The following RASSF4 variants were observed in gnomAD, a reference collection of about 807,000 sequenced individuals.
RASSF4 encodes the protein ras association domain-containing protein 4.
A neutral mutation model predicts 41.1 loss-of-function variants in RASSF4; 38 were observed. That is an observed-to-expected ratio of 0.92 (90% CI 0.71 to 1.21). The LOEUF (loss-of-function observed/expected upper bound fraction) is 1.21. Among genes scored for constraint, RASSF4 ranks in the 50% most tolerant of loss-of-function variants. RASSF4 has a pLI of 0.00. For missense variants in RASSF4, 414 were observed against 419.4 expected, an observed-to-expected ratio of 0.99 and a Z score of 0.11; for synonymous variants, 179 against 163.4, an observed-to-expected ratio of 1.10 and a Z score of -0.73.
intron 5 of RASSF4, 109 bp from the exon 6 acceptor site, chr10:44,984,704 C>T (rs1350668536): frequency 8.0e-7 from 1 of 1,246,970 alleles, no homozygotes; most frequent in African/African-American, 1.5e-5. Context: ...TCCCCATCTG[C>T]CCCAGTGCAC....
intron 9 of RASSF4, 146 bp downstream of exon 9, chr10:44,991,215 A>G: frequency 1.5e-6 from 1 of 663,348 alleles, no homozygotes; most frequent in Non-Finnish European, 2.3e-6. Context: ...AGCCTAGCAC[A>G]GGGAGGCGCC....
chr10:44,986,226 T>C (rs1434205521), intron 6 of RASSF4, among the ~76,000 whole-genome samples: 1 of 152,232 alleles, frequency 6.6e-6, no homozygotes, highest in Non-Finnish European at 1.5e-5. Context: ...TTCAAAGTAC[T>C]GAATGGTGGA....
intron 6 of RASSF4, among the ~76,000 whole-genome samples, chr10:44,988,530 C>G (rs114083878): frequency 0.017 from 2,534 of 152,178 alleles, 75 homozygotes; most frequent in African/African-American, 0.057. Context: ...ACCATAGTGT[C>G]ATACGTGCGA....
At chr10:44,992,702 G>A (rs1318118464) in intron 10 of RASSF4, among the ~76,000 whole-genome samples, 1 of 152,206 alleles carries the variant, frequency 6.6e-6, no homozygotes, top group Non-Finnish European at 1.5e-5. Context: ...CCTGGGGTGT[G>A]TGGGGAAAGG....
rs1337892355 is a variant in RASSF4 at position 44,994,180 on chromosome 10, G to A, written c.*851G>A. On this transcript the variant is annotated 3_prime_UTR_variant, in exon 11 of 11. Transcript: ENST00000340258. ...TTTCTCTCCTCTAGTGGGTGGGGAT[G>A]ACTTTCAATGACTTTCAATACTTCC... is the stretch of plus-strand genomic sequence containing the variant. The A allele has an allele frequency of 1.3e-5, 2 of 152,262 alleles. No homozygotes were observed. Among genetic ancestry groups the A allele is most frequent in the African/African-American group, 4.8e-5 (2 of 41,448 alleles). 9.4% of individuals were successfully genotyped at this position (152,262 alleles called of 1,614,324 possible).
chr10:44,961,243 C>A (rs1420498038), intron 1 of RASSF4, among the ~76,000 whole-genome samples: 37 of 152,210 alleles, frequency 2.4e-4, no homozygotes, highest in Admixed American at 2.4e-3. Flanking sequence ...AAGTGTCTGT[C>A]TGAAACTCAG....
intron 3 of RASSF4, chr10:44,977,189 G>A (rs1841469524): frequency 1.2e-5 from 7 of 593,494 alleles, no homozygotes; most frequent in Admixed American, 3.3e-5. Flanking sequence ...CAGAGCGAAC[G>A]GGATTGGTAA....
chr10:44,971,369 T>C, intron 2 of RASSF4: 1 of 394,882 alleles, frequency 2.5e-6, no homozygotes, highest in East Asian at 7.1e-5. Context: ...GCAGGCCTTG[T>C]AGGAAGTGAT....
intron 5 of RASSF4, 31 bp from the exon 6 acceptor site, chr10:44,984,782 C>T (rs138837221): frequency 6.2e-7 from 1 of 1,609,398 alleles, no homozygotes; most frequent in Admixed American, 1.7e-5. Context: ...CATCACCCAC[C>T]CTGCCATTCT....
chr10:44,975,871 T>C (rs932203166), intron 3 of RASSF4, among the ~76,000 whole-genome samples: 2 of 151,922 alleles, frequency 1.3e-5, no homozygotes, highest in East Asian at 3.9e-4. Context: ...CTTCTGAGCA[T>C]AGGGGAGTCT....
intron 1 of RASSF4, among the ~76,000 whole-genome samples, chr10:44,963,037 C>A (rs870204): frequency 3.3e-5 from 5 of 152,090 alleles, no homozygotes; most frequent in African/African-American, 1.2e-4. Context: ...AGAACCGCAG[C>A]GGGGAGTAAA....
At chr10:44,991,129 G>A (rs772905884) in intron 9 of RASSF4, 60 bp downstream of exon 9, 1 of 1,509,428 alleles carries the variant, frequency 6.6e-7, no homozygotes, top group Non-Finnish European at 9.0e-7. Flanking sequence ...TGGGTGACGG[G>A]GCCTCCCAAG....
Position 44,989,285 on chromosome 10 carries a change from T to C in RASSF4, c.543T>C (p.Phe181=). Reference sequence around the variant, plus strand: ...CCTTCCTGGTACAGACCTCCGTGTTTACTCCAGCCTATGGATCCGTGACCA... The same window carrying C: ...CCTTCCTGGTACAGACCTCCGTGTTCACTCCAGCCTATGGATCCGTGACCA... ...GHFYNHKTSV[F]TPAYGSVTNV... The change falls in exon 7 of 11, where the codon TTT becomes TTC. Residue 181 remains phenylalanine, a synonymous_variant. Coordinates refer to ENST00000340258, the MANE Select transcript of RASSF4 (RefSeq NM_032023.4). The C allele has an allele frequency of 1.2e-6, 2 of 1,612,778 alleles. No individual in the cohort carries two copies. The highest frequency in any genetic ancestry group is 1.7e-6 in the Non-Finnish European group (2 of 1,178,790).
In RASSF4 at chr10:44,969,163, T is replaced by C. The variant is rs552133394; in HGVS notation, c.-38-1002T>C. Among the ~76,000 whole-genome samples the C allele has an allele frequency of 2.0e-5, 3 of 151,932 alleles. No individual in the cohort carries two copies. In the East Asian group the frequency reaches 5.8e-4, roughly 29 times the overall value. On this transcript the variant is annotated intron_variant, in intron 1 of 10. Transcript: ENST00000340258. ...GTGTGTGAAGCTTTACCTCCCTGCCTAGCATGTAGGAGGCCTTGATAAGAG... is the reference window on the plus strand; with the variant it reads ...GTGTGTGAAGCTTTACCTCCCTGCCCAGCATGTAGGAGGCCTTGATAAGAG...
chr10:44,977,155 T>C, intron 3 of RASSF4: 1 of 471,976 alleles, frequency 2.1e-6, no homozygotes, highest in Non-Finnish European at 3.7e-6. Context: ...AGTAAGTTGC[T>C]CAAGGTGATC....
chr10:44,963,307 C>T (rs577490469), intron 1 of RASSF4, among the ~76,000 whole-genome samples: 1 of 152,184 alleles, frequency 6.6e-6, no homozygotes, highest in South Asian at 2.1e-4. Flanking sequence ...TGAGTCGCCG[C>T]CTGCCATCTA....
chr10:44,985,296 A>G (rs891378860), intron 6 of RASSF4, among the ~76,000 whole-genome samples: 7 of 151,940 alleles, frequency 4.6e-5, no homozygotes, highest in African/African-American at 1.5e-4. Context: ...CCCTGGGAAC[A>G]CTGTGTATCC....
chr10:44,982,616 G>T lies in RASSF4; in HGVS notation c.234G>T (p.Val78=). The change falls in exon 4 of 11, where the codon GTG becomes GTT. Residue 78 remains valine, a synonymous_variant. Transcript: ENST00000340258. The part of the protein sequence containing the change: ...RLQMQDDREQ[V]HLPSTSWMPR... ...AGATGCAGGATGACCGGGAGCAGGT[G>T]CACCTCCCCTCCACCTCATGGATGC... 1 of 1,613,232 alleles carries T rather than the reference G, an allele frequency of 6.2e-7. No individual in the cohort carries two copies. The highest frequency in any genetic ancestry group is 1.3e-5 in the African/African-American group (1 of 75,008).
rs1313725718 is a variant in RASSF4 at position 44,995,145 on chromosome 10, G to A, written c.*1816G>A. On this transcript the variant is annotated 3_prime_UTR_variant, in exon 11 of 11. Transcript: ENST00000340258. ...GCTATTATTTACAATCTCAGGTGGAGGACAGCTCCTGTCCCATTGTTCAGC... is the reference window on the plus strand; with the variant it reads ...GCTATTATTTACAATCTCAGGTGGAAGACAGCTCCTGTCCCATTGTTCAGC... 1 of 152,282 alleles carries A rather than the reference G, an allele frequency of 6.6e-6. No homozygotes were observed. Among genetic ancestry groups the A allele is most frequent in the East Asian group, 1.9e-4 (1 of 5,204 alleles). 9.4% of individuals were successfully genotyped at this position (152,282 alleles called of 1,614,324 possible).
Sources: gnomAD v4.1 joint callset for allele counts (sites outside exome capture counted in the v4.1 genomes callset) on GRCh38, gnomAD v4.1.1 for gene constraint, MANE v1.5 for transcripts, NCBI Gene and HGNC (gene_info 2026-07-23, HGNC 2026-07-21) for gene names.